Variants in PDE4D observed in about 807,000 individuals in gnomAD.
PDE4D encodes the protein phosphodiesterase 4D.
Under a neutral mutation model 87.4 loss-of-function variants are expected in PDE4D, and 24 were observed. The ratio of observed to expected loss-of-function variants is 0.27; its 90% CI spans 0.20 to 0.39. The LOEUF (loss-of-function observed/expected upper bound fraction) is 0.39. PDE4D is among the 10% of genes least tolerant of loss of function. The pLI is 1.00. For synonymous variants in PDE4D, 384 were observed against 383.2 expected (o/e 1.00, Z -0.02); for missense variants, 714 against 1,041.0 (o/e 0.69, Z 4.32).
In PDE4D at chr5:59,500,706, C is replaced by T. The variant is rs185304988; in HGVS notation, c.456-284738G>A. Among the ~76,000 whole-genome samples the T allele has an allele frequency of 5.3e-5, 8 of 152,170 alleles. No individual in the cohort carries two copies. The East Asian group carries it at 9.6e-4, about 18-fold the overall frequency. On this transcript the variant is annotated intron_variant, in intron 1 of 14. Coordinates refer to ENST00000340635, the MANE Select transcript of PDE4D (RefSeq NM_001104631.2). ...ATTACAAGCCCAAACCTCAGCTTCA[C>T]GCAATTTACCCATGTAACAAGCCTG...
intron 2 of PDE4D, among the ~76,000 whole-genome samples, chr5:60,035,124 C>G (rs754112678): frequency 1.3e-5 from 2 of 151,996 alleles, no homozygotes; most frequent in Non-Finnish European, 2.9e-5. Flanking sequence ...GGCATGGTGA[C>G]GTATGCCTGT....
intron 1 of PDE4D, among the ~76,000 whole-genome samples, chr5:60,440,959 T>C (rs1321743259): frequency 6.6e-6 from 1 of 152,058 alleles, no homozygotes; most frequent in Admixed American, 6.6e-5. Context: ...TGTAGGAAAT[T>C]AACCATTATC....
At chr5:60,016,574 G>A (rs1582192109) in intron 2 of PDE4D, among the ~76,000 whole-genome samples, 1 of 152,234 alleles carries the variant, frequency 6.6e-6, no homozygotes, top group African/African-American at 2.4e-5. Context: ...CTCAAGCCCT[G>A]CCACTGCTTT....
chr5:59,494,306 G>A (rs1003211289), intron 1 of PDE4D, among the ~76,000 whole-genome samples: 4 of 152,166 alleles, frequency 2.6e-5, no homozygotes, highest in African/African-American at 9.7e-5. Context: ...CCTAGGCATT[G>A]CCATGTTAGT....
chr5:60,460,885 CTTAA>C (rs1360338820), intron 1 of PDE4D: 9 of 336,078 alleles, frequency 2.7e-5, no homozygotes, highest in Non-Finnish European at 4.3e-5. Context: ...TAATTCCATT[CTTAA>C]TTAATAGCAT....
chr5:60,380,176 G>A (rs1004985161), intron 1 of PDE4D, among the ~76,000 whole-genome samples: 1 of 152,178 alleles, frequency 6.6e-6, no homozygotes, highest in African/African-American at 2.4e-5. Context: ...ATAGAGAACA[G>A]AAATGGTTTG....
chr5:59,437,725 T>G (rs1014932250), intron 1 of PDE4D, among the ~76,000 whole-genome samples: 37 of 151,956 alleles, frequency 2.4e-4, no homozygotes, highest in African/African-American at 8.5e-4. Flanking sequence ...AAGCATACAA[T>G]TCATTTGATG....
intron 2 of PDE4D, among the ~76,000 whole-genome samples, chr5:60,182,338 T>C (rs1475044256): frequency 6.6e-6 from 1 of 152,208 alleles, no homozygotes; most frequent in East Asian, 1.9e-4. Context: ...TGGGAAAACA[T>C]ACAGATTCCA....
At chr5:59,874,759 C>T (rs900389870) in intron 1 of PDE4D, among the ~76,000 whole-genome samples, 1 of 152,154 alleles carries the variant, frequency 6.6e-6, no homozygotes, top group Non-Finnish European at 1.5e-5. Flanking sequence ...AATTTCCAAC[C>T]TGACTTGGTG....
chr5:59,191,866 C>G (rs1189632514), intron 3 of PDE4D, among the ~76,000 whole-genome samples: 1 of 152,080 alleles, frequency 6.6e-6, no homozygotes, highest in African/African-American at 2.4e-5. Flanking sequence ...CCACCGCACC[C>G]GGCCATAAGT....
chr5:59,451,684 C>T (rs1247663235), intron 1 of PDE4D, among the ~76,000 whole-genome samples: 1 of 152,226 alleles, frequency 6.6e-6, no homozygotes. Flanking sequence ...CTCAGATAAG[C>T]TCACTTTCCT....
chr5:59,849,161 T>C (rs1321516841), intron 1 of PDE4D, among the ~76,000 whole-genome samples: 1 of 151,966 alleles, frequency 6.6e-6, no homozygotes, highest in African/African-American at 2.4e-5. Context: ...ATAAATAAGA[T>C]AAAAGACTCA....
chr5:59,953,298 G>T (rs943990169), intron 3 of PDE4D, among the ~76,000 whole-genome samples: 2 of 151,828 alleles, frequency 1.3e-5, no homozygotes, highest in African/African-American at 4.8e-5. Context: ...AATTATAAAA[G>T]ATATTTTGCG....
intron 1 of PDE4D, among the ~76,000 whole-genome samples, chr5:59,420,586 A>G (rs1017021230): frequency 1.3e-5 from 2 of 152,110 alleles, no homozygotes; most frequent in African/African-American, 4.8e-5. Context: ...CAAAATGGCC[A>G]AGAACTCCCT....
chr5:60,355,461 T>G (rs914246827), intron 1 of PDE4D, among the ~76,000 whole-genome samples: 2 of 152,210 alleles, frequency 1.3e-5, no homozygotes, highest in Non-Finnish European at 2.9e-5. Context: ...TCCTTGGAAT[T>G]CAGATTGACC....
chr5:59,122,963 A>G (rs1774800299), intron 5 of PDE4D, among the ~76,000 whole-genome samples: 1 of 152,152 alleles, frequency 6.6e-6, no homozygotes, highest in South Asian at 2.1e-4. Flanking sequence ...GGAGTCAAAG[A>G]GTCCTGTAAC....
At chr5:59,177,755 G>A (rs1784125540) in intron 5 of PDE4D, among the ~76,000 whole-genome samples, 1 of 152,158 alleles carries the variant, frequency 6.6e-6, no homozygotes, top group South Asian at 2.1e-4. Context: ...GAACTTAACT[G>A]TTAGGCTACA....
At chr5:59,538,904 C>T (rs1342811223) in intron 1 of PDE4D, among the ~76,000 whole-genome samples, 1 of 152,138 alleles carries the variant, frequency 6.6e-6, no homozygotes, top group Non-Finnish European at 1.5e-5. Flanking sequence ...TCCAACTTTG[C>T]ATATGCTCTT....
chr5:60,374,186 C>G (rs1761253521), intron 1 of PDE4D, among the ~76,000 whole-genome samples: 1 of 152,090 alleles, frequency 6.6e-6, no homozygotes, highest in African/African-American at 2.4e-5. Context: ...AAAACAATCC[C>G]CCAAAATGAC....
Sources: allele counts gnomAD v4.1 joint callset (sites outside exome capture counted in the v4.1 genomes callset), GRCh38; gene constraint gnomAD v4.1.1; transcripts MANE v1.5; gene names NCBI Gene and HGNC (gene_info 2026-07-23, HGNC 2026-07-21).